Variants in RBM6 observed in about 807,000 individuals in gnomAD.
RBM6 encodes the protein RNA-binding protein 6.
A neutral mutation model predicts 140.4 loss-of-function variants in RBM6; 23 were observed. The observed-to-expected ratio is 0.16, with a 90% CI of 0.12 to 0.23. RBM6 has a LOEUF of 0.23. RBM6 is among the 10% of genes least tolerant of loss of function. RBM6 has a pLI of 1.00. For synonymous variants in RBM6, 439 were observed against 475.6 expected (o/e 0.92, Z 1.00); for missense variants, 1,139 against 1,386.7 (o/e 0.82, Z 2.84).
intron 6 of RBM6, among the ~76,000 whole-genome samples, chr3:50,019,183 G>A (rs759608916): frequency 1.3e-5 from 2 of 151,662 alleles, no homozygotes; most frequent in African/African-American, 2.4e-5. Flanking sequence ...TTACAGGCAC[G>A]CACCACCACA....
chr3:49,974,585 G>T (rs916514110), intron 4 of RBM6, among the ~76,000 whole-genome samples: 11 of 150,578 alleles, frequency 7.3e-5, no homozygotes, highest in African/African-American at 2.4e-4. Context: ...TGTTAGCCAG[G>T]ATGGTCTCAA....
chr3:49,951,557 ATTATTTATTTAT>A (rs764604179), intron 1 of RBM6, among the ~76,000 whole-genome samples: 1 of 150,242 alleles, frequency 6.7e-6, no homozygotes, highest in African/African-American at 2.4e-5. Flanking sequence ...TATTTTATTT[ATTATTTATTTAT>A]TTATTTATTT....
At chr3:49,952,731 C>T (rs2083794938) in intron 1 of RBM6, among the ~76,000 whole-genome samples, 1 of 152,048 alleles carries the variant, frequency 6.6e-6, no homozygotes, top group African/African-American at 2.4e-5. Flanking sequence ...CTCCCGACCT[C>T]AGGTGATCCA....
chr3:50,008,776 C>T lies in RBM6; in HGVS notation c.1557+9263C>T, dbSNP rs559584253. Among the ~76,000 whole-genome samples, 3 of 152,166 alleles carry T rather than the reference C, an allele frequency of 2.0e-5. No individual in the cohort carries two copies. In the East Asian group the frequency reaches 5.8e-4, roughly 29 times the overall value. ...ATGTTGGCCAGGCTGGACTTGAACTCCTGACCTCAGGTGATCCACCCACCT... is the reference window on the plus strand; with the variant it reads ...ATGTTGGCCAGGCTGGACTTGAACTTCTGACCTCAGGTGATCCACCCACCT... On this transcript the variant is annotated intron_variant, in intron 6 of 20. Coordinates refer to ENST00000266022, the MANE Select transcript of RBM6 (RefSeq NM_005777.3).
chr3:50,011,945 G>A (rs1184667290), intron 6 of RBM6, among the ~76,000 whole-genome samples: 13 of 150,572 alleles, frequency 8.6e-5, no homozygotes, highest in Admixed American at 7.3e-4. Flanking sequence ...TCCACCTCCC[G>A]GGCTCAAGCA....
At chr3:50,044,725 G>A (rs1012460789) in intron 6 of RBM6, among the ~76,000 whole-genome samples, 1 of 152,178 alleles carries the variant, frequency 6.6e-6, no homozygotes, top group Non-Finnish European at 1.5e-5. Flanking sequence ...GCAATGGGGA[G>A]GGGTGCAGTG....
chr3:49,990,931 C>T (rs2085789286), intron 5 of RBM6, among the ~76,000 whole-genome samples: 1 of 152,122 alleles, frequency 6.6e-6, no homozygotes, highest in African/African-American at 2.4e-5. Flanking sequence ...TACCGACTAC[C>T]AGAAGTTAGC....
intron 3 of RBM6, among the ~76,000 whole-genome samples, chr3:49,971,231 C>T (rs1378365388): frequency 6.8e-6 from 1 of 146,800 alleles, no homozygotes; most frequent in Non-Finnish European, 1.5e-5. Flanking sequence ...TGCACTATTA[C>T]ACTCCAGCCT....
chr3:50,039,427 C>T (rs1161655960), intron 6 of RBM6, among the ~76,000 whole-genome samples: 5 of 150,754 alleles, frequency 3.3e-5, no homozygotes, highest in Non-Finnish European at 5.9e-5. Flanking sequence ...GTAGTAGAGA[C>T]AGGGTTTCAC....
chr3:49,985,444 A>T (rs1440030180), intron 5 of RBM6, among the ~76,000 whole-genome samples: 1 of 151,952 alleles, frequency 6.6e-6, no homozygotes, highest in Admixed American at 6.6e-5. Context: ...AGTGTAAATT[A>T]ATTTTTGCCT....
chr3:50,067,186 C>T (rs1320595929), intron 17 of RBM6, among the ~76,000 whole-genome samples: 8 of 19,556 alleles, frequency 4.1e-4, no homozygotes, highest in Non-Finnish European at 7.9e-4. Flanking sequence ...GACTCTATCT[C>T]AAAAAAAAAA....
chr3:49,967,218 T>C lies in RBM6; in HGVS notation c.45-252T>C. ...TGCAGGACTGGGTGAAAGCTTTTTC[T>C]GCAGCAGTCATGTTGAAAACCTTGT... On this transcript the variant is annotated intron_variant, in intron 2 of 20. Coordinates refer to ENST00000266022, the MANE Select transcript of RBM6 (RefSeq NM_005777.3). The surrounding 1 kb of genome is among the most constrained non-coding windows in gnomAD (Gnocchi z 4.0). The C allele has an allele frequency of 8.0e-7, 1 of 1,250,964 alleles. No homozygotes were observed. Among genetic ancestry groups the C allele is most frequent in the Non-Finnish European group, 1.0e-6 (1 of 996,040 alleles). The allele number at this position is 1,250,964 out of a possible 1,614,324, so 77.5% of individuals were successfully genotyped here.
chr3:50,023,499 A>G (rs938133505), intron 6 of RBM6, among the ~76,000 whole-genome samples: 4 of 151,860 alleles, frequency 2.6e-5, no homozygotes, highest in Non-Finnish European at 5.9e-5. Flanking sequence ...TGAGCCACAA[A>G]GTATTTGAAA....
intron 6 of RBM6, among the ~76,000 whole-genome samples, chr3:50,016,254 C>T (rs1466441780): frequency 6.6e-6 from 1 of 152,158 alleles, no homozygotes; most frequent in African/African-American, 2.4e-5. Context: ...TGTTTTTCCA[C>T]ATGTCGCAAA....
rs143667806 is a variant in RBM6, at chr3:50,054,336, G to A, written c.1634G>A (p.Cys545Tyr). The A allele has an allele frequency of 8.7e-5, 140 of 1,609,930 alleles. No homozygotes were observed. The highest frequency in any genetic ancestry group is 1.1e-4 in the Non-Finnish European group (134 of 1,176,376). Residue 545 changes from cysteine (C) to tyrosine (Y), a missense_variant and splice_region_variant, in exon 8 of 21, where the codon TGT (cysteine) becomes TAT (tyrosine). Around this residue, in one of 9 missense-constraint regions of RBM6, gnomAD observed 58 missense variants for 99.7 expected, o/e 0.58. Coordinates refer to ENST00000266022, the MANE Select transcript of RBM6 (RefSeq NM_005777.3). ...SSLDFWYCKR[C>Y]KANIGGHRSS... ...AATTGATTTCCTTCTTCCTTACAGT[G>A]TAAGGCAAACATTGGTGGGCACCGA...
Position 50,061,163 on chromosome 3 carries a change from G to A in RBM6, c.2295G>A (p.Arg765=). The A allele has an allele frequency of 6.2e-7, 1 of 1,614,182 alleles. No homozygotes were observed. Among genetic ancestry groups the A allele is most frequent in the Non-Finnish European group, 8.5e-7 (1 of 1,180,042 alleles). ...YYQGKKYFRD[R]RGGGRNSDWS... ...AGGGTAAAAAATATTTCCGAGATAG[G>A]AGGGGAGGTGGCAGAAATTCAGACT... Residue 765 remains arginine, a synonymous_variant, in exon 13 of 21, where the codon AGG becomes AGA. Coordinates refer to ENST00000266022, the MANE Select transcript of RBM6 (RefSeq NM_005777.3).
chr3:50,029,453 G>A (rs534721973), intron 6 of RBM6, among the ~76,000 whole-genome samples: 1 of 152,200 alleles, frequency 6.6e-6, no homozygotes, highest in Non-Finnish European at 1.5e-5. Flanking sequence ...GAATCATACC[G>A]GTTTGGCATG....
At chr3:49,953,548 T>G (rs114805370) in intron 1 of RBM6, among the ~76,000 whole-genome samples, 2,462 of 142,998 alleles carry the variant, frequency 0.017, 88 homozygotes, top group African/African-American at 0.062. Context: ...TGAGACCGTC[T>G]CTGTCACCCA....
In RBM6 at chr3:50,022,483, A is replaced by C. The variant is rs115142691; in HGVS notation, c.1557+22970A>C. Among the ~76,000 whole-genome samples the C allele has an allele frequency of 6.1e-3, 924 of 151,930 alleles. 10 individuals carry two copies. The highest frequency in any genetic ancestry group is 0.021 in the African/African-American group (872 of 41,422). On this transcript the variant is annotated intron_variant, in intron 6 of 20. Transcript: ENST00000266022. ...GTAGCTGGGATTATAGGCTCATGTC[A>C]CCACGCCTGGCTAATTTTGTATTTT...
Sources: gnomAD v4.1 joint callset for allele counts (sites outside exome capture counted in the v4.1 genomes callset) on GRCh38, gnomAD v4.1.1 for gene constraint, gnomAD v4.1.1 regional missense constraint, Gnocchi (gnomAD v3.1) non-coding constraint, MANE v1.5 for transcripts, NCBI Gene and HGNC (gene_info 2026-07-23, HGNC 2026-07-21) for gene names.